Variants in LRIF1 observed in about 807,000 individuals in gnomAD.
LRIF1 encodes the protein ligand dependent nuclear receptor interacting factor 1, also known as ligand-dependent nuclear receptor-interacting factor 1.
In LRIF1, 32 loss-of-function variants were observed where a neutral mutation model predicts 52.7. The ratio of observed to expected loss-of-function variants is 0.61; its 90% CI spans 0.46 to 0.82. LRIF1 has a LOEUF of 0.82. Among genes scored for constraint, LRIF1 ranks in the 40% least tolerant of loss-of-function variants. The pLI, the probability that LRIF1 is intolerant of heterozygous loss-of-function variation, is 0.00. For synonymous variants in LRIF1, 323 were observed against 317.4 expected, an observed-to-expected ratio of 1.02 and a Z score of -0.19; for missense variants, 887 against 892.0, an observed-to-expected ratio of 0.99 and a Z score of 0.07.
chr1:110,951,055 G>C (rs1241092970), intron 2 of LRIF1, among the ~76,000 whole-genome samples: 4 of 152,030 alleles, frequency 2.6e-5, no homozygotes, highest in African/African-American at 4.8e-5. Context: ...GATTTGGCAT[G>C]CCAAGTGATT....
At chr1:110,921,628 A>C in the LRIF1 span, among the ~76,000 whole-genome samples, 57 of 152,334 alleles carry the variant, frequency 3.7e-4, no homozygotes, top group African/African-American at 1.3e-3. Flanking sequence ...TTATATGTCA[A>C]ATTATATAGT....
At chr1:110,919,174 A>G in the LRIF1 span, among the ~76,000 whole-genome samples, 6 of 152,194 alleles carry the variant, frequency 3.9e-5, no homozygotes, top group Non-Finnish European at 7.4e-5. Flanking sequence ...CTGAGTGTCA[A>G]CTTGATTGGA....
chr1:110,875,904 G>A, the LRIF1 span, among the ~76,000 whole-genome samples: 24 of 152,198 alleles, frequency 1.6e-4, no homozygotes, highest in Non-Finnish European at 7.4e-5. Flanking sequence ...TCTCTATACT[G>A]AGAGTTAGAG....
the LRIF1 span, among the ~76,000 whole-genome samples, chr1:110,900,508 G>T: frequency 6.6e-6 from 1 of 152,076 alleles, no homozygotes; most frequent in Non-Finnish European, 1.5e-5. Flanking sequence ...GACCACAGGT[G>T]TGTGCCACCA....
chr1:110,878,487 G>T, the LRIF1 span, among the ~76,000 whole-genome samples: 1 of 152,142 alleles, frequency 6.6e-6, no homozygotes, highest in African/African-American at 2.4e-5. Context: ...GCTAATGATG[G>T]TTATCTCTGG....
the LRIF1 span, chr1:110,899,021 C>T: frequency 1.3e-6 from 1 of 791,344 alleles, no homozygotes; most frequent in South Asian, 1.6e-5. Context: ...AGGGTGGTTT[C>T]AGTGTAATGG....
rs554723599 is a variant in LRIF1 at position 110,947,808 on chromosome 1, C to T, written c.*151G>A. 9.2e-7 allele frequency: 1 copy of T among 1,083,284 alleles called. No homozygotes were observed. The highest frequency in any genetic ancestry group is 1.3e-6 in the Non-Finnish European group (1 of 798,276). 67.1% of individuals were successfully genotyped at this position (1,083,284 alleles called of 1,614,324 possible). On this transcript the variant is annotated 3_prime_UTR_variant, in exon 4 of 4. Transcript: ENST00000369763. ...ATTCACAAGTCATATGTGAATCAAC[C>T]TTTTCTGTATTCCTTAAAGTTGTAC...
chr1:110,877,532 G>A, the LRIF1 span, among the ~76,000 whole-genome samples: 2 of 152,158 alleles, frequency 1.3e-5, no homozygotes, highest in Non-Finnish European at 2.9e-5. Flanking sequence ...TCCCACCTCA[G>A]CTGTTATTAG....
At chr1:110,902,950 T>A in the LRIF1 span, among the ~76,000 whole-genome samples, 1 of 152,194 alleles carries the variant, frequency 6.6e-6, no homozygotes, top group South Asian at 2.1e-4. Context: ...GCGGAGAGTG[T>A]CTCTGGGTGC....
At chr1:110,879,960 C>CA in the LRIF1 span, among the ~76,000 whole-genome samples, 8 of 151,310 alleles carry the variant, frequency 5.3e-5, no homozygotes, top group Admixed American at 1.3e-4. Context: ...TAGTACAGGT[C>CA]AAAAAAAAGA....
chr1:110,901,514 G>T, the LRIF1 span, among the ~76,000 whole-genome samples: 1 of 117,982 alleles, frequency 8.5e-6, no homozygotes, highest in Non-Finnish European at 1.7e-5. Context: ...GTCTCACTCT[G>T]TGGCCAGGCT....
the LRIF1 span, chr1:110,896,865 G>C: frequency 1.4e-6 from 1 of 711,068 alleles, no homozygotes; most frequent in Non-Finnish European, 2.3e-6. Flanking sequence ...AGAGGCCAGG[G>C]CAACAACCTT....
intron 1 of LRIF1, 117 bp downstream of exon 1, chr1:110,963,504 G>A (rs1557845499): frequency 2.7e-6 from 2 of 753,450 alleles, no homozygotes; most frequent in Non-Finnish European, 4.2e-6. Context: ...CCTGGGTGGC[G>A]CACTCTGCGG....
At chr1:110,907,250 C>A in the LRIF1 span, among the ~76,000 whole-genome samples, 1 of 152,180 alleles carries the variant, frequency 6.6e-6, no homozygotes, top group Non-Finnish European at 1.5e-5. Flanking sequence ...GATCCCTGAA[C>A]CTCCTCTTAA....
the LRIF1 span, among the ~76,000 whole-genome samples, chr1:110,903,663 G>GACTT: frequency 1.3e-5 from 2 of 152,248 alleles, no homozygotes; most frequent in Non-Finnish European, 2.9e-5. Flanking sequence ...GACCCTCTGA[G>GACTT]ACTTGCTTGT....
At chr1:110,961,771 A>C (rs1356539760) in intron 1 of LRIF1, among the ~76,000 whole-genome samples, 1 of 152,130 alleles carries the variant, frequency 6.6e-6, no homozygotes, top group African/African-American at 2.4e-5. Flanking sequence ...AAGGGCCGTT[A>C]ATATTATTTA....
At chr1:110,946,274 T>C (rs917538916), downstream of LRIF1, among the ~76,000 whole-genome samples, 2 of 152,234 alleles carry the variant, frequency 1.3e-5, no homozygotes, top group African/African-American at 2.4e-5. Context: ...TATGAAATGT[T>C]CACAACAGGC....
intron 1 of LRIF1, among the ~76,000 whole-genome samples, chr1:110,963,148 T>C (rs979709244): frequency 5.9e-5 from 9 of 152,246 alleles, no homozygotes; most frequent in African/African-American, 2.2e-4. Flanking sequence ...TTTTAAATAT[T>C]CGATCTCCTC....
chr1:110,903,767 T>C, the LRIF1 span, among the ~76,000 whole-genome samples: 2 of 152,190 alleles, frequency 1.3e-5, no homozygotes, highest in African/African-American at 4.8e-5. Flanking sequence ...AAGGAGACTT[T>C]GTCTTGCACC....
Sources: allele counts gnomAD v4.1 joint callset (sites outside exome capture counted in the v4.1 genomes callset), GRCh38; gene constraint gnomAD v4.1.1; transcripts MANE v1.5; gene names NCBI Gene and HGNC (gene_info 2026-07-23, HGNC 2026-07-21).